SPPL3: variants seen among roughly 807,000 people sequenced by gnomAD.
SPPL3 encodes signal peptide peptidase like 3, also known as signal peptide peptidase-like 3.
SPPL3 carries 5 observed loss-of-function variants against 42.4 expected under a neutral mutation model. The ratio of observed to expected loss-of-function variants is 0.12; its 90% CI spans 0.06 to 0.25. The LOEUF (loss-of-function observed/expected upper bound fraction) is 0.25, where lower values mean the gene tolerates loss of function less well. Among genes scored for constraint, SPPL3 ranks in the 10% least tolerant of loss-of-function variants. The pLI is 1.00. For synonymous variants in SPPL3, 195 were observed against 181.8 expected (o/e 1.07, Z -0.58); for missense variants, 235 against 489.0 (o/e 0.48, Z 4.90).
chr12:120,847,575 TGA>T (rs1434472673), intron 1 of SPPL3, among the ~76,000 whole-genome samples: 1 of 152,044 alleles, frequency 6.6e-6, no homozygotes, highest in Non-Finnish European at 1.5e-5. Flanking sequence ...ATTACAGGCG[TGA>T]GTCACCAAGT....
chr12:120,812,283 C>A (rs1870710877), intron 1 of SPPL3, among the ~76,000 whole-genome samples: 1 of 151,928 alleles, frequency 6.6e-6, no homozygotes, highest in Non-Finnish European at 1.5e-5. Context: ...TACAGGCATG[C>A]ACCACACCTG....
chr12:120,786,934 T>C (rs1173834479), intron 3 of SPPL3, among the ~76,000 whole-genome samples: 1 of 152,212 alleles, frequency 6.6e-6, no homozygotes, highest in Non-Finnish European at 1.5e-5. Context: ...GCATTATCTT[T>C]AAGGCAAAAA....
chr12:120,876,603 C>T (rs187333261), intron 1 of SPPL3, among the ~76,000 whole-genome samples: 1,159 of 104,444 alleles, frequency 0.011, 14 homozygotes, highest in African/African-American at 0.045. Context: ...TGTGACAGAG[C>T]GAGACTCTGT....
At chr12:120,784,640 A>T in intron 3 of SPPL3, 47 bp from the exon 4 acceptor site, 1 of 1,493,880 alleles carries the variant, frequency 6.7e-7, no homozygotes, top group Non-Finnish European at 9.1e-7. Context: ...TGCACCAGGC[A>T]CTGTGCCTAT....
Position 120,903,905 on chromosome 12 carries a change from C to A in SPPL3, c.-38G>T. ...CGTGGGCTCCGCTGCAGGCTGTGGCCGGGCCCGGCGGCGGCGGGCTCGCTC... is the reference window on the plus strand; with the variant it reads ...CGTGGGCTCCGCTGCAGGCTGTGGCAGGGCCCGGCGGCGGCGGGCTCGCTC... On this transcript the variant is annotated 5_prime_UTR_variant, in exon 1 of 11. Coordinates refer to ENST00000353487, the MANE Select transcript of SPPL3 (RefSeq NM_139015.5). 7.5e-7 allele frequency: 1 copy of A among 1,341,980 alleles called. No homozygotes were observed. Among genetic ancestry groups the A allele is most frequent in the Middle Eastern group, 2.8e-4 (1 of 3,620 alleles). The allele number at this position is 1,341,980 out of a possible 1,614,324, so 83.1% of individuals were successfully genotyped here.
rs138368549 is a variant in SPPL3 at position 120,842,374 on chromosome 12, A to C, written c.24-31488T>G. Among the ~76,000 whole-genome samples, 330 of 152,312 alleles carry C rather than the reference A, an allele frequency of 2.2e-3. 1 individual carries two copies. The highest frequency in any genetic ancestry group is 7.7e-3 in the African/African-American group (319 of 41,566). On this transcript the variant is annotated intron_variant, in intron 1 of 10. Transcript: ENST00000353487. ...GGGCAGAACATTACACTATACACTA[A>C]GAGGCTACAGAAAATGGAGGAGAAG...
At chr12:120,888,160 C>A (rs962758971) in intron 1 of SPPL3, among the ~76,000 whole-genome samples, 6 of 152,220 alleles carry the variant, frequency 3.9e-5, no homozygotes, top group Non-Finnish European at 7.3e-5. Context: ...ACTGCAACCT[C>A]TGCCTCTTGC....
At chr12:120,801,045 G>C (rs1592969102) in intron 2 of SPPL3, among the ~76,000 whole-genome samples, 2 of 152,220 alleles carry the variant, frequency 1.3e-5, no homozygotes, top group Admixed American at 1.3e-4. Flanking sequence ...ATGGTTTTCA[G>C]AAGGGCTGGA....
Position 120,764,919 on chromosome 12 carries a change from G to T in SPPL3, c.*80C>A. The T allele has an allele frequency of 6.7e-7, 1 of 1,482,988 alleles. No individual in the cohort carries two copies. 91.9% of individuals were successfully genotyped at this position (1,482,988 alleles called of 1,614,324 possible). On this transcript the variant is annotated 3_prime_UTR_variant, in exon 11 of 11. Coordinates refer to ENST00000353487, the MANE Select transcript of SPPL3 (RefSeq NM_139015.5). ...AACACAGGTACATTTCTGAGTACCA[G>T]GCCAGCTCTAAGAGGAAACAAACCA...
intron 1 of SPPL3, among the ~76,000 whole-genome samples, chr12:120,899,030 C>T (rs1873892189): frequency 6.6e-6 from 1 of 152,168 alleles, no homozygotes; most frequent in Admixed American, 6.5e-5. Context: ...ACTAAAACTG[C>T]TCATAAATAT....
intron 1 of SPPL3, among the ~76,000 whole-genome samples, chr12:120,816,497 T>C (rs914181046): frequency 6.6e-6 from 1 of 152,224 alleles, no homozygotes; most frequent in South Asian, 2.1e-4. Flanking sequence ...ATTCAAACTA[T>C]CATTATAAAA....
At chr12:120,796,450 T>C (rs1870100630) in intron 2 of SPPL3, among the ~76,000 whole-genome samples, 1 of 152,224 alleles carries the variant, frequency 6.6e-6, no homozygotes, top group African/African-American at 2.4e-5. Flanking sequence ...TCTGTTTTGA[T>C]GTACTTTGCT....
intron 3 of SPPL3, among the ~76,000 whole-genome samples, chr12:120,787,665 T>C (rs900102684): frequency 6.6e-6 from 1 of 152,150 alleles, no homozygotes; most frequent in South Asian, 2.1e-4. Context: ...CTACTTTCTC[T>C]CTCTCTCTCA....
chr12:120,788,505 T>G (rs1869797417), intron 3 of SPPL3, among the ~76,000 whole-genome samples: 1 of 152,218 alleles, frequency 6.6e-6, no homozygotes, highest in African/African-American at 2.4e-5. Flanking sequence ...TAACCCTCTG[T>G]TGAGTCTCAC....
intron 2 of SPPL3, among the ~76,000 whole-genome samples, chr12:120,809,401 T>C (rs1372080336): frequency 6.6e-6 from 1 of 152,064 alleles, no homozygotes; most frequent in Non-Finnish European, 1.5e-5. Flanking sequence ...TTACCCGTAA[T>C]ATTTTACTTG....
chr12:120,833,456 T>C (rs560038757), intron 1 of SPPL3, among the ~76,000 whole-genome samples: 2 of 151,934 alleles, frequency 1.3e-5, no homozygotes, highest in Admixed American at 6.6e-5. Flanking sequence ...TGGAGAGCAT[T>C]TGGGAATGAC....
At chr12:120,854,682 T>C (rs1006889746) in intron 1 of SPPL3, among the ~76,000 whole-genome samples, 5 of 152,186 alleles carry the variant, frequency 3.3e-5, no homozygotes, top group African/African-American at 1.2e-4. Context: ...TGACTGTCAA[T>C]TGGGTCTAAA....
chr12:120,785,267 T>A (rs533462669), intron 3 of SPPL3, among the ~76,000 whole-genome samples: 72 of 147,378 alleles, frequency 4.9e-4, no homozygotes, highest in East Asian at 4.7e-3. Context: ...AAAAAAAAAA[T>A]TTATTTTATG....
At chr12:120,812,157 CAG>C (rs907368482) in intron 1 of SPPL3, among the ~76,000 whole-genome samples, 2 of 146,232 alleles carry the variant, frequency 1.4e-5, no homozygotes, top group African/African-American at 5.0e-5. Context: ...TTTTTTGAGA[CAG>C]AGTCTTGCTC....
Sources: allele counts gnomAD v4.1 joint callset (sites outside exome capture counted in the v4.1 genomes callset), GRCh38; gene constraint gnomAD v4.1.1; transcripts MANE v1.5; gene names NCBI Gene and HGNC (gene_info 2026-07-23, HGNC 2026-07-21).